PLCB1: variants seen among roughly 807,000 people sequenced by gnomAD.
PLCB1 encodes the protein 1-phosphatidylinositol 4,5-bisphosphate phosphodiesterase beta-1.
PLCB1 carries 46 observed loss-of-function variants against 161.8 expected under a neutral mutation model. That is an observed-to-expected ratio of 0.28 (90% CI 0.22 to 0.36). The LOEUF is 0.36. Among genes scored for constraint, PLCB1 ranks in the 10% least tolerant of loss-of-function variants. PLCB1 has a pLI of 1.00. For synonymous variants in PLCB1, 517 were observed against 503.7 expected (o/e 1.03, Z -0.35); for missense variants, 1,016 against 1,472.5 (o/e 0.69, Z 5.07).
intron 3 of PLCB1, among the ~76,000 whole-genome samples, chr20:8,378,244 T>G (rs1486786754): frequency 6.6e-6 from 1 of 152,196 alleles, no homozygotes; most frequent in African/African-American, 2.4e-5. Context: ...CTGAGTGAAA[T>G]AAGCCAGACA....
intron 3 of PLCB1, among the ~76,000 whole-genome samples, chr20:8,561,707 T>G (rs1986145757): frequency 1.3e-5 from 2 of 151,994 alleles, no homozygotes; most frequent in Admixed American, 1.3e-4. Flanking sequence ...TAAATTTCAT[T>G]AACAGATGCA....
intron 31 of PLCB1, among the ~76,000 whole-genome samples, chr20:8,815,445 T>G (rs1468512405): frequency 6.6e-6 from 1 of 152,220 alleles, no homozygotes; most frequent in Non-Finnish European, 1.5e-5. Flanking sequence ...TTTATCATCT[T>G]GCAACGGTGG....
intron 2 of PLCB1, among the ~76,000 whole-genome samples, chr20:8,189,118 G>T (rs1385668922): frequency 2.0e-5 from 3 of 151,646 alleles, no homozygotes; most frequent in Non-Finnish European, 4.4e-5. Flanking sequence ...CCGCATATAA[G>T]TGAATCATGC....
At chr20:8,766,855 T>C (rs1400931168) in intron 26 of PLCB1, among the ~76,000 whole-genome samples, 1 of 151,888 alleles carries the variant, frequency 6.6e-6, no homozygotes, top group East Asian at 1.9e-4. Flanking sequence ...CTCTGAGTAG[T>C]GAAGATCAAG....
At chr20:8,620,571 C>G (rs1988151208) in intron 3 of PLCB1, among the ~76,000 whole-genome samples, 2 of 151,838 alleles carry the variant, frequency 1.3e-5, no homozygotes, top group South Asian at 2.1e-4. Context: ...AAAAACTCAA[C>G]TCTACTAAAA....
At chr20:8,252,656 G>A (rs1981210205) in intron 2 of PLCB1, among the ~76,000 whole-genome samples, 1 of 152,060 alleles carries the variant, frequency 6.6e-6, no homozygotes, top group Middle Eastern at 3.4e-3. Flanking sequence ...AATCTCATTA[G>A]CTCACAAGGC....
chr20:8,501,864 CATATATATAT>C lies in PLCB1; in HGVS notation c.247-126387_247-126378del, dbSNP rs36226867. ...TATTTTTTTTAAAAAAGATATATCG[CATATATATAT>C]ATATATATATATATATATATATATA... is the stretch of plus-strand genomic sequence containing the variant. On this transcript the variant is annotated intron_variant, in intron 3 of 31. Coordinates refer to ENST00000338037, the MANE Select transcript of PLCB1 (RefSeq NM_015192.4). Among the ~76,000 whole-genome samples the C allele has an allele frequency of 5.5e-3, 574 of 104,398 alleles. 10 individuals carry two copies. Among genetic ancestry groups the C allele is most frequent in the African/African-American group, 0.014 (358 of 26,264 alleles). 68.5% of individuals were successfully genotyped at this position (104,398 alleles called of 152,430 possible). A position where few individuals can be genotyped will look rare whatever the true frequency, so the allele number is the denominator to read the frequency against.
At chr20:8,622,830 C>G (rs1247308419) in intron 3 of PLCB1, among the ~76,000 whole-genome samples, 1 of 152,198 alleles carries the variant, frequency 6.6e-6, no homozygotes, top group Non-Finnish European at 1.5e-5. Flanking sequence ...GTATTGCAAC[C>G]TGGGAAACTA....
intron 31 of PLCB1, among the ~76,000 whole-genome samples, chr20:8,851,294 C>T (rs1440348936): frequency 1.3e-5 from 2 of 152,194 alleles, no homozygotes; most frequent in Non-Finnish European, 2.9e-5. Flanking sequence ...TTTTTCTTTA[C>T]CTCTCTTCCT....
chr20:8,248,794 A>T, intron 2 of PLCB1: 1 of 151,928 alleles, frequency 6.6e-6, no homozygotes, highest in East Asian at 1.9e-4. Flanking sequence ...TGTGGCTGTG[A>T]GTATTTGATT....
At chr20:8,512,821 C>T (rs1454534396) in intron 3 of PLCB1, among the ~76,000 whole-genome samples, 1 of 152,106 alleles carries the variant, frequency 6.6e-6, no homozygotes, top group Admixed American at 6.5e-5. Flanking sequence ...CAAATTCATT[C>T]TCTTAGCAAT....
chr20:8,191,338 A>G (rs935646963), intron 2 of PLCB1, among the ~76,000 whole-genome samples: 11 of 152,018 alleles, frequency 7.2e-5, no homozygotes, highest in African/African-American at 1.4e-4. Flanking sequence ...ACAACTATAC[A>G]TCCTTCACAC....
At chr20:8,502,077 C>T (rs755454693) in intron 3 of PLCB1, among the ~76,000 whole-genome samples, 30 of 151,330 alleles carry the variant, frequency 2.0e-4, no homozygotes, top group East Asian at 3.9e-4. Context: ...ATGTAATTAA[C>T]GTATCTTTTT....
At chr20:8,699,986 C>T (rs1416704251) in intron 11 of PLCB1, among the ~76,000 whole-genome samples, 1 of 152,192 alleles carries the variant, frequency 6.6e-6, no homozygotes, top group African/African-American at 2.4e-5. Context: ...TAATTCATTT[C>T]CATAGTCCCA....
At chr20:8,274,961 G>A (rs1982460786) in intron 2 of PLCB1, among the ~76,000 whole-genome samples, 1 of 151,950 alleles carries the variant, frequency 6.6e-6, no homozygotes. Context: ...TTTCATAGTT[G>A]TTTTGCCCTT....
intron 2 of PLCB1, among the ~76,000 whole-genome samples, chr20:8,281,023 T>C (rs912477592): frequency 6.6e-6 from 1 of 152,224 alleles, no homozygotes; most frequent in African/African-American, 2.4e-5. Context: ...AGCTAGTTCT[T>C]TTCTGGCCTG....
intron 6 of PLCB1, among the ~76,000 whole-genome samples, chr20:8,648,250 T>A (rs1426655622): frequency 1.3e-5 from 2 of 152,192 alleles, no homozygotes; most frequent in Non-Finnish European, 2.9e-5. Flanking sequence ...TCAGATCTGT[T>A]CTAGGAGTGG....
At chr20:8,431,919 G>A (rs1423402287) in intron 3 of PLCB1, among the ~76,000 whole-genome samples, 1 of 152,082 alleles carries the variant, frequency 6.6e-6, no homozygotes, top group South Asian at 2.1e-4. Flanking sequence ...TGGAAGGCTG[G>A]GAAGTCCACT....
intron 3 of PLCB1, among the ~76,000 whole-genome samples, chr20:8,475,112 TTCAA>T (rs1241187746): frequency 1.3e-5 from 2 of 152,254 alleles, no homozygotes; most frequent in Non-Finnish European, 2.9e-5. Flanking sequence ...ATTGTATATT[TTCAA>T]TCAAAGATCT....
Sources: allele counts gnomAD v4.1 joint callset (sites outside exome capture counted in the v4.1 genomes callset), GRCh38; gene constraint gnomAD v4.1.1; transcripts MANE v1.5; gene names NCBI Gene and HGNC (gene_info 2026-07-23, HGNC 2026-07-21).